Variants in MSH3 observed in about 807,000 individuals in gnomAD.
MSH3 encodes mutS homolog 3.
Under a neutral mutation model 123.3 loss-of-function variants are expected in MSH3, and 106 were observed. That is an observed-to-expected ratio of 0.86 (90% confidence interval 0.73 to 1.01). The LOEUF (loss-of-function observed/expected upper bound fraction) is 1.01. MSH3 is among the 50% of genes least tolerant of loss of function. MSH3 has a pLI of 0.00. For missense variants in MSH3, 1,459 were observed against 1,347.6 expected, an observed-to-expected ratio of 1.08 and a Z score of -1.29; for synonymous variants, 515 against 481.4, an observed-to-expected ratio of 1.07 and a Z score of -0.91.
chr5:80,749,865 C>G (rs2112872537), intron 12 of MSH3, among the ~76,000 whole-genome samples: 1 of 152,166 alleles, frequency 6.6e-6, no homozygotes, highest in East Asian at 1.9e-4. Flanking sequence ...CTCTTTTCCC[C>G]ATCTACCCTC....
rs763614470 is a variant in MSH3 at position 80,854,134 on chromosome 5, G to T, written c.2818G>T (p.Gly940Cys). 5.9e-5 allele frequency: 95 copies of T among 1,612,804 alleles called. No individual in the cohort carries two copies. In the South Asian group the frequency reaches 9.9e-4, roughly 17 times the overall value. Reference sequence around the variant, plus strand: ...GTGTTTTCATCTTGCTTGTAGGATGGGTGCTGCAGACAATATATATAAAGG... The same window carrying T: ...GTGTTTTCATCTTGCTTGTAGGATGTGTGCTGCAGACAATATATATAAAGG... ...GIVDGIFTRM[G>C]AADNIYKGQS... The change falls in exon 21 of 24, where the codon GGT (glycine) becomes TGT (cysteine). Residue 940 changes from glycine to cysteine, a missense_variant. Transcript: ENST00000265081.
chr5:80,790,587 A>G (rs961251352), intron 18 of MSH3, among the ~76,000 whole-genome samples: 8 of 152,194 alleles, frequency 5.3e-5, no homozygotes, highest in African/African-American at 1.9e-4. Flanking sequence ...AGAAAATGAG[A>G]GAATGATGAT....
In MSH3 at chr5:80,876,240, A is replaced by G. The variant is rs1746305242; in HGVS notation, c.*378A>G. On this transcript the variant is annotated 3_prime_UTR_variant, in exon 24 of 24. Transcript: ENST00000265081. ...AACTGGGTGAATCTGGCAGGAATCT[A>G]TCCATTGAACTAAAATAATTTTATT... 1 of 252,056 alleles carries G rather than the reference A, an allele frequency of 4.0e-6. No homozygotes were observed. 15.6% of individuals were successfully genotyped at this position (252,056 alleles called of 1,614,324 possible).
At chr5:80,852,216 T>C (rs558872531) in intron 20 of MSH3, among the ~76,000 whole-genome samples, 7 of 152,244 alleles carry the variant, frequency 4.6e-5, no homozygotes, top group African/African-American at 1.7e-4. Flanking sequence ...GTCCCAGATA[T>C]TCAGGAGTCT....
At chr5:80,684,511 T>C (rs1437615896) in intron 8 of MSH3, among the ~76,000 whole-genome samples, 1 of 152,202 alleles carries the variant, frequency 6.6e-6, no homozygotes, top group African/African-American at 2.4e-5. Flanking sequence ...GCTGGTTTTT[T>C]GTATGTTGAT....
chr5:80,740,186 TC>T (rs1743585627), intron 10 of MSH3, among the ~76,000 whole-genome samples: 2 of 152,222 alleles, frequency 1.3e-5, no homozygotes, highest in African/African-American at 4.8e-5. Context: ...CATTTATTAG[TC>T]ATGCTGTAGC....
In MSH3 at chr5:80,689,125, G is replaced by C. The variant is rs6151675; in HGVS notation, c.1340+10032G>C. Among the ~76,000 whole-genome samples the C allele has an allele frequency of 1.1e-3, 165 of 152,300 alleles. 2 individuals carry two copies. In the South Asian group the frequency reaches 0.033, roughly 31 times the overall value. On this transcript the variant is annotated intron_variant, in intron 8 of 23. Coordinates refer to ENST00000265081, the MANE Select transcript of MSH3 (RefSeq NM_002439.5). ...GGAATTGGGAACATCGAGTTGACTGGAGTGTTAGGAAAATATGGGTCAAGA... is the reference window on the plus strand; with the variant it reads ...GGAATTGGGAACATCGAGTTGACTGCAGTGTTAGGAAAATATGGGTCAAGA...
At chr5:80,661,303 A>G (rs1414934928) in intron 2 of MSH3, among the ~76,000 whole-genome samples, 2 of 152,020 alleles carry the variant, frequency 1.3e-5, no homozygotes, top group African/African-American at 2.4e-5. Flanking sequence ...ATTTGGTGTT[A>G]TCTGTTAAGT....
At chr5:80,718,030 A>G (rs1428029) in intron 8 of MSH3, among the ~76,000 whole-genome samples, 2,409 of 152,300 alleles carry the variant, frequency 0.016, 57 homozygotes, top group African/African-American at 0.055. Context: ...AAATTAAAAT[A>G]TGGTACAAAT....
chr5:80,853,199 C>T (rs539464194), intron 20 of MSH3, among the ~76,000 whole-genome samples: 15 of 152,134 alleles, frequency 9.9e-5, no homozygotes, highest in East Asian at 3.8e-4. Flanking sequence ...TGGCTGGGCA[C>T]GGTGGCTCAT....
chr5:80,863,778 T>G (rs1746052486), intron 21 of MSH3, among the ~76,000 whole-genome samples: 1 of 152,166 alleles, frequency 6.6e-6, no homozygotes, highest in Non-Finnish European at 1.5e-5. Flanking sequence ...TTGGTTGAGT[T>G]TATGTGAAGA....
chr5:80,746,838 A>G, intron 12 of MSH3: 1 of 268,094 alleles, frequency 3.7e-6, no homozygotes, highest in South Asian at 4.7e-5. Flanking sequence ...GCTTAAGGAG[A>G]CCACTGGCCA....
chr5:80,699,571 A>G (rs1161103454), intron 8 of MSH3, among the ~76,000 whole-genome samples: 1 of 151,892 alleles, frequency 6.6e-6, no homozygotes, highest in Middle Eastern at 3.2e-3. Flanking sequence ...AAAAAAAAAA[A>G]AAAAAAAAAA....
intron 7 of MSH3, among the ~76,000 whole-genome samples, chr5:80,677,312 T>C (rs1370755788): frequency 6.6e-6 from 1 of 152,166 alleles, no homozygotes; most frequent in Non-Finnish European, 1.5e-5. Flanking sequence ...TGCAGTTTTA[T>C]ACACACTGAT....
At chr5:80,790,218 C>T (rs1427554236) in intron 18 of MSH3, among the ~76,000 whole-genome samples, 2 of 152,120 alleles carry the variant, frequency 1.3e-5, no homozygotes, top group South Asian at 4.1e-4. Flanking sequence ...AATTTGGATG[C>T]AATCTAAATG....
chr5:80,750,740 C>T (rs954178545), intron 12 of MSH3, among the ~76,000 whole-genome samples: 8 of 152,066 alleles, frequency 5.3e-5, no homozygotes, highest in East Asian at 3.9e-4. Flanking sequence ...CAATCCCATT[C>T]GTCTGTTCTT....
chr5:80,759,681 C>T (rs547565104), intron 12 of MSH3, among the ~76,000 whole-genome samples: 1 of 152,210 alleles, frequency 6.6e-6, no homozygotes, highest in South Asian at 2.1e-4. Flanking sequence ...TTTAGGAAAA[C>T]CACTCAGGCT....
At chr5:80,838,144 C>G (rs1240893370) in intron 20 of MSH3, among the ~76,000 whole-genome samples, 3 of 152,172 alleles carry the variant, frequency 2.0e-5, no homozygotes, top group Admixed American at 6.5e-5. Flanking sequence ...TGGTTCAAAG[C>G]AAGTTACAGG....
At chr5:80,680,455 C>T (rs1456546658) in intron 8 of MSH3, among the ~76,000 whole-genome samples, 1 of 151,024 alleles carries the variant, frequency 6.6e-6, no homozygotes, top group East Asian at 1.9e-4. Flanking sequence ...AAGTTGAATT[C>T]TGTAACCCAG....
Sources: allele counts gnomAD v4.1 joint callset (sites outside exome capture counted in the v4.1 genomes callset), GRCh38; gene constraint gnomAD v4.1.1; transcripts MANE v1.5; gene names NCBI Gene and HGNC (gene_info 2026-07-23, HGNC 2026-07-21).